Variants in EDIL3 observed in about 807,000 individuals in gnomAD.
EDIL3 encodes the protein EGF like and discoidin domains 3.
In EDIL3, 37 loss-of-function variants were observed where a neutral mutation model predicts 67.4. The observed-to-expected ratio is 0.55, with a 90% CI of 0.42 to 0.72. The LOEUF is 0.72. Among genes scored for constraint, EDIL3 ranks in the 30% least tolerant of loss-of-function variants. The pLI is 0.00. For synonymous variants in EDIL3, 195 were observed against 196.3 expected (o/e 0.99, Z 0.05); for missense variants, 527 against 586.3 (o/e 0.90, Z 1.04).
chr5:84,102,658 C>T (rs1472788414), intron 6 of EDIL3, among the ~76,000 whole-genome samples: 1 of 151,080 alleles, frequency 6.6e-6, no homozygotes, highest in Non-Finnish European at 1.5e-5. Flanking sequence ...CCTAGGAATA[C>T]AGCTTATCAG....
At chr5:84,266,136 G>T (rs767306456) in intron 1 of EDIL3, among the ~76,000 whole-genome samples, 5 of 152,160 alleles carry the variant, frequency 3.3e-5, no homozygotes, top group Non-Finnish European at 7.4e-5. Flanking sequence ...TTGCTGAAAA[G>T]AAGACATTAA....
At chr5:83,959,923 A>C (rs1303542191) in intron 10 of EDIL3, among the ~76,000 whole-genome samples, 1 of 151,010 alleles carries the variant, frequency 6.6e-6, no homozygotes, top group Non-Finnish European at 1.5e-5. Context: ...TGTTTAAATA[A>C]CTTAGGCAAT....
intron 2 of EDIL3, among the ~76,000 whole-genome samples, chr5:84,249,419 CTATCT>C: frequency 6.7e-6 from 1 of 150,048 alleles, no homozygotes. Context: ...ATCTATCTAT[CTATCT>C]ATCTATCATC....
At chr5:84,279,745 T>G (rs894446626) in intron 1 of EDIL3, among the ~76,000 whole-genome samples, 1 of 152,204 alleles carries the variant, frequency 6.6e-6, no homozygotes, top group Admixed American at 6.5e-5. Flanking sequence ...GAAGCTTCGA[T>G]AAGATATTTC....
intron 9 of EDIL3, among the ~76,000 whole-genome samples, chr5:84,011,030 C>T (rs550307457): frequency 2.2e-4 from 33 of 152,284 alleles, no homozygotes; most frequent in East Asian, 1.5e-3. Flanking sequence ...CACATCTCAG[C>T]GTGTAAGGTA....
rs149874995 is a variant in EDIL3, at chr5:84,189,465, T to A, written c.227-8944A>T. On this transcript the variant is annotated intron_variant, in intron 3 of 10. Coordinates refer to ENST00000296591, the MANE Select transcript of EDIL3 (RefSeq NM_005711.5). ...TCATTGTGGCACAGTAGTTGATGTCTCCTTTTCTTCAATAAATAAATATCT... is the reference window on the plus strand; with the variant it reads ...TCATTGTGGCACAGTAGTTGATGTCACCTTTTCTTCAATAAATAAATATCT... Among the ~76,000 whole-genome samples, 976 of 152,082 alleles carry A rather than the reference T, an allele frequency of 6.4e-3. 13 individuals carry two copies. The highest frequency in any genetic ancestry group is 0.022 in the African/African-American group (930 of 41,506).
At chr5:84,282,314 A>C (rs2112108702) in intron 1 of EDIL3, among the ~76,000 whole-genome samples, 1 of 152,288 alleles carries the variant, frequency 6.6e-6, no homozygotes, top group Non-Finnish European at 1.5e-5. Context: ...CATGATTTGT[A>C]CTTTTAAAAC....
chr5:84,130,588 C>A (rs916506041), intron 5 of EDIL3, among the ~76,000 whole-genome samples: 1 of 151,880 alleles, frequency 6.6e-6, no homozygotes, highest in African/African-American at 2.4e-5. Flanking sequence ...CTATGTTTTC[C>A]TTTTGTCTTG....
chr5:84,064,843 A>T lies in EDIL3; in HGVS notation c.809T>A (p.Val270Glu). The T allele has an allele frequency of 6.2e-7, 1 of 1,608,092 alleles. No homozygotes were observed. The highest frequency in any genetic ancestry group is 8.5e-7 in the Non-Finnish European group (1 of 1,177,562). Residue 270 changes from valine (V) to glutamate (E), a missense_variant and splice_region_variant, in exon 8 of 11, where the codon GTG becomes GAG. Coordinates refer to ENST00000296591, the MANE Select transcript of EDIL3 (RefSeq NM_005711.5). The stretch of plus-strand genomic sequence containing the variant: ...GTTGTTATCAATGTTTCCACGAAAC[A>T]CCTGTGTAAAAACAGTTTAAAATTA... ...YKVKGTNEDM[V>E]FRGNIDNNTP...
intron 1 of EDIL3, 80 bp from the exon 2 acceptor site, chr5:84,254,292 A>C: frequency 1.4e-6 from 2 of 1,460,052 alleles, no homozygotes. Flanking sequence ...TTTGCTATGG[A>C]TGTTCCCTTG....
At chr5:84,354,917 T>G (rs574295815) in intron 1 of EDIL3, among the ~76,000 whole-genome samples, 2 of 152,280 alleles carry the variant, frequency 1.3e-5, no homozygotes, top group African/African-American at 4.8e-5. Flanking sequence ...CACCTATTAT[T>G]TTTTCCTTCA....
At chr5:84,132,158 C>T (rs1747977919) in intron 5 of EDIL3, among the ~76,000 whole-genome samples, 1 of 148,944 alleles carries the variant, frequency 6.7e-6, no homozygotes, top group East Asian at 2.0e-4. Context: ...TTGCTTGAAC[C>T]TGGGAGGTGG....
chr5:84,000,480 A>G lies in EDIL3; in HGVS notation c.1138-37120T>C, dbSNP rs1322766365. On this transcript the variant is annotated intron_variant, in intron 9 of 10. Transcript: ENST00000296591. The stretch of plus-strand genomic sequence containing the variant: ...TGTTAGATTGTTCGCTTTTGCAATC[A>G]AAGTTAAATTGTCATCTGTTGAAAA... 2.0e-5 allele frequency among the ~76,000 whole-genome samples: 3 copies of G among 152,148 alleles called. No individual in the cohort carries two copies. The East Asian group carries it at 5.8e-4, about 29-fold the overall frequency.
intron 1 of EDIL3, among the ~76,000 whole-genome samples, chr5:84,278,683 T>C (rs1745636178): frequency 6.6e-6 from 1 of 152,142 alleles, no homozygotes; most frequent in Non-Finnish European, 1.5e-5. Flanking sequence ...CTTTTCTCCA[T>C]GTAATGAAAA....
intron 4 of EDIL3, among the ~76,000 whole-genome samples, chr5:84,170,081 A>G (rs1316616582): frequency 6.6e-6 from 1 of 152,202 alleles, no homozygotes; most frequent in African/African-American, 2.4e-5. Context: ...TATTTGTTGT[A>G]TAAGTGAGCT....
intron 3 of EDIL3, among the ~76,000 whole-genome samples, chr5:84,192,093 A>C (rs375853991): frequency 2.0e-5 from 3 of 151,898 alleles, no homozygotes; most frequent in Non-Finnish European, 4.4e-5. Context: ...GATTAATTGA[A>C]GTATTTTATT....
intron 5 of EDIL3, among the ~76,000 whole-genome samples, chr5:84,127,193 G>A (rs1241407324): frequency 6.6e-6 from 1 of 151,852 alleles, no homozygotes; most frequent in Non-Finnish European, 1.5e-5. Flanking sequence ...CATTTTTCTT[G>A]TCAGAATAGT....
intron 9 of EDIL3, among the ~76,000 whole-genome samples, chr5:84,034,613 G>A (rs1161475581): frequency 1.3e-5 from 2 of 152,122 alleles, no homozygotes; most frequent in African/African-American, 2.4e-5. Flanking sequence ...AAGGGAGGGT[G>A]TTCATTCATT....
In EDIL3 at chr5:83,943,314, A is replaced by C; in HGVS notation, c.*105T>G. 6 of 241,940 alleles carry C rather than the reference A, an allele frequency of 2.5e-5. No individual in the cohort carries two copies. The highest frequency in any genetic ancestry group is 3.1e-5 in the Non-Finnish European group (5 of 163,246). The allele number at this position is 241,940 out of a possible 1,614,324, so 15.0% of individuals were successfully genotyped here. On this transcript the variant is annotated 3_prime_UTR_variant, in exon 11 of 11. Transcript: ENST00000296591. ...ACCATAATTTGAGCACTTTTTCATG[A>C]AAAAAAAAAAAAAACCATTCAGTTT...
Sources: gnomAD v4.1 joint callset for allele counts (sites outside exome capture counted in the v4.1 genomes callset) on GRCh38, gnomAD v4.1.1 for gene constraint, MANE v1.5 for transcripts, NCBI Gene and HGNC (gene_info 2026-07-23, HGNC 2026-07-21) for gene names.